The following APBA1 variants were observed in gnomAD, a reference collection of about 807,000 sequenced individuals.
The protein encoded by APBA1 is amyloid beta precursor protein binding family A member 1, also known as amyloid-beta A4 precursor protein-binding family A member 1.
In APBA1, 55 loss-of-function variants were observed where a neutral mutation model predicts 86.6. The observed-to-expected ratio is 0.64, with a 90% CI of 0.51 to 0.80. The LOEUF is 0.80. APBA1 is among the 30% of genes least tolerant of loss of function. The pLI is 0.00. For missense variants in APBA1, 1,090 were observed against 1,183.0 expected, an observed-to-expected ratio of 0.92 and a Z score of 1.15; for synonymous variants, 511 against 493.9, an observed-to-expected ratio of 1.03 and a Z score of -0.46.
At chr9:69,486,863 T>G (rs1031103746) in intron 2 of APBA1, among the ~76,000 whole-genome samples, 2 of 104,196 alleles carry the variant, frequency 1.9e-5, no homozygotes, top group Non-Finnish European at 4.3e-5. Flanking sequence ...TTTTTTTTTC[T>G]TCTTTTCTTT....
intron 1 of APBA1, among the ~76,000 whole-genome samples, chr9:69,660,637 A>G (rs1381111189): frequency 2.0e-5 from 3 of 152,210 alleles, no homozygotes; most frequent in African/African-American, 7.2e-5. Context: ...TCTTAACTCA[A>G]TCATTCCCAA....
At chr9:69,524,193 A>C (rs530629287) in intron 1 of APBA1, among the ~76,000 whole-genome samples, 41 of 152,262 alleles carry the variant, frequency 2.7e-4, no homozygotes, top group African/African-American at 9.6e-4. Context: ...ACAAGAACAA[A>C]CTAACCCCAA....
chr9:69,667,311 A>T (rs1823860152), intron 1 of APBA1, among the ~76,000 whole-genome samples: 1 of 152,146 alleles, frequency 6.6e-6, no homozygotes, highest in South Asian at 2.1e-4. Context: ...AACTCCAATT[A>T]TATAGCGTTA....
chr9:69,468,434 C>T (rs1032203125), intron 4 of APBA1, among the ~76,000 whole-genome samples: 1 of 152,160 alleles, frequency 6.6e-6, no homozygotes, highest in African/African-American at 2.4e-5. Flanking sequence ...CTTGCCCCCC[C>T]CCATTCATAT....
At chr9:69,603,289 C>A (rs1254389067) in intron 1 of APBA1, among the ~76,000 whole-genome samples, 3 of 152,242 alleles carry the variant, frequency 2.0e-5, no homozygotes, top group Non-Finnish European at 2.9e-5. Flanking sequence ...TTCTGAGCCC[C>A]AGTCAATGAT....
At chr9:69,633,504 G>GGGTA (rs1461432032) in intron 1 of APBA1, among the ~76,000 whole-genome samples, 2 of 152,124 alleles carry the variant, frequency 1.3e-5, no homozygotes, top group Non-Finnish European at 2.9e-5. Flanking sequence ...TCACATGGAG[G>GGGTA]GCAAAGTGAG....
intron 1 of APBA1, among the ~76,000 whole-genome samples, chr9:69,591,802 G>C (rs1421578166): frequency 6.6e-6 from 1 of 152,220 alleles, no homozygotes; most frequent in Non-Finnish European, 1.5e-5. Context: ...AGAGAGAAAT[G>C]CTTTTGAACC....
chr9:69,443,672 T>G (rs1834861406), intron 10 of APBA1, among the ~76,000 whole-genome samples: 1 of 152,218 alleles, frequency 6.6e-6, no homozygotes, highest in African/African-American at 2.4e-5. Flanking sequence ...TCATTTAATG[T>G]GGCTGTAATT....
At chr9:69,521,643 G>A (rs917307410) in intron 1 of APBA1, among the ~76,000 whole-genome samples, 2 of 152,124 alleles carry the variant, frequency 1.3e-5, no homozygotes, top group Non-Finnish European at 2.9e-5. Context: ...ACAGAGTAAC[G>A]CCATAGAAAA....
At chr9:69,571,577 G>A (rs1477148131) in intron 1 of APBA1, among the ~76,000 whole-genome samples, 3 of 151,892 alleles carry the variant, frequency 2.0e-5, no homozygotes, top group South Asian at 4.2e-4. Context: ...CAGTGGTTTC[G>A]GATGGTAGGA....
chr9:69,629,098 G>A (rs184826715), intron 1 of APBA1, among the ~76,000 whole-genome samples: 14 of 152,162 alleles, frequency 9.2e-5, no homozygotes, highest in African/African-American at 2.4e-4. Flanking sequence ...TTCAGAATAT[G>A]TGACCCCTAT....
chr9:69,583,813 G>A (rs1368923872), intron 1 of APBA1, among the ~76,000 whole-genome samples: 6 of 152,256 alleles, frequency 3.9e-5, no homozygotes, highest in South Asian at 2.1e-4. Context: ...TAGCATGCAC[G>A]AGCCAGCTGG....
intron 1 of APBA1, among the ~76,000 whole-genome samples, chr9:69,549,576 T>A (rs1564074252): frequency 6.6e-6 from 1 of 152,208 alleles, no homozygotes; most frequent in Non-Finnish European, 1.5e-5. Context: ...CTACGACTTC[T>A]CAAAACCCCT....
rs1564104861 is a variant in APBA1 at position 69,658,274 on chromosome 9, T to TC, written c.-70+13878_-70+13879insG. On this transcript the variant is annotated intron_variant, in intron 1 of 12. Transcript: ENST00000265381. ...TTTCTTTCTTTCTTTCTTTCTTTCT[T>TC]TCTTTCTTTCTCTCTCTCTTTCTCT... Among the ~76,000 whole-genome samples the TC allele has an allele frequency of 8.0e-3, 549 of 68,226 alleles. 12 individuals are homozygous for TC. The highest frequency in any genetic ancestry group is 9.8e-3 in the South Asian group (18 of 1,830). 44.8% of individuals were successfully genotyped at this position (68,226 alleles called of 152,430 possible). A position where few individuals can be genotyped will look rare whatever the true frequency, so the allele number is the denominator to read the frequency against.
intron 11 of APBA1, among the ~76,000 whole-genome samples, chr9:69,433,708 A>G (rs1336786174): frequency 1.3e-5 from 2 of 152,156 alleles, no homozygotes; most frequent in Admixed American, 6.5e-5. Flanking sequence ...GGTACAAAGA[A>G]TGCAGGAAGT....
intron 1 of APBA1, among the ~76,000 whole-genome samples, chr9:69,595,921 A>G (rs967069795): frequency 6.6e-6 from 1 of 152,170 alleles, no homozygotes; most frequent in African/African-American, 2.4e-5. Flanking sequence ...TGAACCAGTG[A>G]GACTCTAGAC....
intron 1 of APBA1, among the ~76,000 whole-genome samples, chr9:69,597,495 G>A (rs1588385406): frequency 6.6e-6 from 1 of 152,236 alleles, no homozygotes; most frequent in East Asian, 1.9e-4. Context: ...TTCTTTTGCT[G>A]TGCAGAAGCT....
At chr9:69,528,972 T>G (rs975721539) in intron 1 of APBA1, among the ~76,000 whole-genome samples, 1 of 152,112 alleles carries the variant, frequency 6.6e-6, no homozygotes, top group African/African-American at 2.4e-5. Flanking sequence ...TTGTTATGTT[T>G]ACAGATTATT....
At chr9:69,620,341 G>C (rs1822791258) in intron 1 of APBA1, among the ~76,000 whole-genome samples, 1 of 152,228 alleles carries the variant, frequency 6.6e-6, no homozygotes, top group African/African-American at 2.4e-5. Context: ...GTTGTGGCCA[G>C]CATGCCAGTG....
Sources: gnomAD v4.1 joint callset for allele counts (sites outside exome capture counted in the v4.1 genomes callset) on GRCh38, gnomAD v4.1.1 for gene constraint, MANE v1.5 for transcripts, NCBI Gene and HGNC (gene_info 2026-07-23, HGNC 2026-07-21) for gene names.